CNTN6: variants seen among roughly 807,000 people sequenced by gnomAD.
CNTN6 encodes contactin 6.
A neutral mutation model predicts 122.8 loss-of-function variants in CNTN6; 137 were observed. The observed-to-expected ratio is 1.12, with a 90% confidence interval of 0.97 to 1.29. The LOEUF (loss-of-function observed/expected upper bound fraction) is 1.29. Ranked by LOEUF, CNTN6 falls within the 50% of genes most tolerant of loss-of-function variation. The pLI, the probability that CNTN6 is intolerant of heterozygous loss-of-function variation, is 0.00. For synonymous variants in CNTN6, 570 were observed against 426.0 expected (o/e 1.34, Z -4.16); for missense variants, 1,634 against 1,223.4 (o/e 1.34, Z -5.01).
chr3:1,262,968 C>T (rs192565562), intron 4 of CNTN6, among the ~76,000 whole-genome samples: 5 of 151,910 alleles, frequency 3.3e-5, no homozygotes, highest in East Asian at 1.9e-4. Context: ...ATCTACATAT[C>T]GTTTAAATCA....
At chr3:1,300,570 AAAGAAAGAAAG>A (rs1378170445) in intron 7 of CNTN6, among the ~76,000 whole-genome samples, 1,520 of 53,196 alleles carry the variant, frequency 0.029, 47 homozygotes, top group East Asian at 0.14. Flanking sequence ...AGAAAGAAAG[AAAGAAAGAAAG>A]AAAGAAAGAA....
chr3:1,095,465 C>G (rs1031896189), intron 1 of CNTN6, among the ~76,000 whole-genome samples: 5 of 152,010 alleles, frequency 3.3e-5, no homozygotes, highest in African/African-American at 1.2e-4. Context: ...AGTGAAACTC[C>G]ATCTCAAACA....
chr3:1,282,191 C>A (rs1184515239), intron 5 of CNTN6, among the ~76,000 whole-genome samples: 1 of 152,128 alleles, frequency 6.6e-6, no homozygotes, highest in East Asian at 1.9e-4. Context: ...TAAACAGGTA[C>A]TTTTATAGAG....
chr3:1,188,476 GA>G (rs957557845), intron 2 of CNTN6, among the ~76,000 whole-genome samples: 4 of 151,976 alleles, frequency 2.6e-5, no homozygotes, highest in African/African-American at 9.7e-5. Flanking sequence ...AATTGCTTTA[GA>G]AAAAAAATTA....
At chr3:1,192,173 T>C (rs963167439) in intron 2 of CNTN6, among the ~76,000 whole-genome samples, 2 of 152,148 alleles carry the variant, frequency 1.3e-5, no homozygotes, top group African/African-American at 2.4e-5. Flanking sequence ...TGGGATAATA[T>C]TCAAAATTCT....
chr3:1,368,777 A>T (rs1353867017), intron 12 of CNTN6, among the ~76,000 whole-genome samples: 2 of 152,226 alleles, frequency 1.3e-5, no homozygotes, highest in Non-Finnish European at 2.9e-5. Context: ...AGTGTATGTC[A>T]TCACTCATCT....
intron 4 of CNTN6, among the ~76,000 whole-genome samples, chr3:1,234,195 AC>A (rs1178003507): frequency 6.6e-6 from 1 of 152,154 alleles, no homozygotes; most frequent in Non-Finnish European, 1.5e-5. Context: ...TCTTGAAACA[AC>A]TTTTTAAATT....
chr3:1,222,190 T>C (rs1191119703), intron 3 of CNTN6, among the ~76,000 whole-genome samples: 1 of 152,180 alleles, frequency 6.6e-6, no homozygotes, highest in African/African-American at 2.4e-5. Context: ...AACTCATCTG[T>C]CAGGGGAAGA....
At chr3:1,244,962 A>T (rs2125628325) in intron 4 of CNTN6, among the ~76,000 whole-genome samples, 1 of 150,244 alleles carries the variant, frequency 6.7e-6, no homozygotes, top group East Asian at 2.0e-4. Flanking sequence ...AACAAATCAC[A>T]ATGGTGGAAT....
At chr3:1,260,845 C>T (rs1047698995) in intron 4 of CNTN6, among the ~76,000 whole-genome samples, 2 of 152,092 alleles carry the variant, frequency 1.3e-5, no homozygotes, top group African/African-American at 2.4e-5. Context: ...CTGTAAGTTT[C>T]CTGAGGCCTC....
At chr3:1,239,039 G>A (rs1420000705) in intron 4 of CNTN6, among the ~76,000 whole-genome samples, 4 of 152,232 alleles carry the variant, frequency 2.6e-5, no homozygotes, top group East Asian at 1.9e-4. Context: ...AGAAAACCTA[G>A]AGGAGATGGA....
At chr3:1,318,892 G>A (rs1194058847) in intron 7 of CNTN6, among the ~76,000 whole-genome samples, 1 of 151,708 alleles carries the variant, frequency 6.6e-6, no homozygotes, top group Non-Finnish European at 1.5e-5. Flanking sequence ...AGGGTACAAA[G>A]TACATAGGAA....
At position 1,377,348 on chromosome 3, in the gene CNTN6, G is replaced by A. The variant is rs1559965550; in HGVS notation, c.2166+273G>A. On this transcript the variant is annotated intron_variant, in intron 17 of 22. Coordinates refer to ENST00000446702, the MANE Select transcript of CNTN6 (RefSeq NM_001289080.2). ...GTGTGTCAGTAGCATTTTCGTTATC[G>A]CTTGATGAATTAGGCATTGTTTGAT... is the stretch of plus-strand genomic sequence containing the variant. Among the ~76,000 whole-genome samples, 5 of 151,998 alleles carry A rather than the reference G, an allele frequency of 3.3e-5. 1 individual carries two copies. In the South Asian group the frequency reaches 1.0e-3, roughly 31 times the overall value.
intron 2 of CNTN6, among the ~76,000 whole-genome samples, chr3:1,196,139 T>G (rs918842278): frequency 2.6e-5 from 4 of 152,210 alleles, no homozygotes; most frequent in African/African-American, 9.7e-5. Context: ...AGAAAGAATT[T>G]GTTTTGGAGA....
At chr3:1,241,559 G>A (rs2094485024) in intron 4 of CNTN6, among the ~76,000 whole-genome samples, 1 of 152,154 alleles carries the variant, frequency 6.6e-6, no homozygotes, top group South Asian at 2.1e-4. Context: ...GGAGAAAAAT[G>A]GGTATTAAAG....
chr3:1,256,180 A>G (rs2094754870), intron 4 of CNTN6, among the ~76,000 whole-genome samples: 1 of 152,060 alleles, frequency 6.6e-6, no homozygotes, highest in South Asian at 2.1e-4. Flanking sequence ...ATAGAATGTA[A>G]TTTTTAATTA....
chr3:1,402,824 A>T (rs1037350477), intron 22 of CNTN6: 1 of 212,162 alleles, frequency 4.7e-6, no homozygotes, highest in African/African-American at 2.3e-5. Context: ...AGGAATGGCA[A>T]ATATGAAGCA....
Position 1,245,254 on chromosome 3 carries a change from A to G in CNTN6, c.358+17261A>G, listed in dbSNP as rs1169134326. On this transcript the variant is annotated intron_variant, in intron 4 of 22. Coordinates refer to ENST00000446702, the MANE Select transcript of CNTN6 (RefSeq NM_001289080.2). ...TATATATACACACACACATATATAT[A>G]TAACATATATATATATATATACACA... is the stretch of plus-strand genomic sequence containing the variant. Among the ~76,000 whole-genome samples, 7 of 6,034 alleles carry G rather than the reference A, an allele frequency of 1.2e-3. No homozygotes were observed. The East Asian group carries it at 0.035, about 30-fold the overall frequency. The allele number at this position is 6,034 out of a possible 152,430, so 4.0% of individuals were successfully genotyped here.
At chr3:1,378,383 A>G (rs184368652) in intron 17 of CNTN6, among the ~76,000 whole-genome samples, 81 of 152,264 alleles carry the variant, frequency 5.3e-4, no homozygotes, top group Middle Eastern at 6.8e-3. Context: ...CTAGGCTATG[A>G]GAGATAACTG....
Sources: gnomAD v4.1 joint callset for allele counts (sites outside exome capture counted in the v4.1 genomes callset) on GRCh38, gnomAD v4.1.1 for gene constraint, MANE v1.5 for transcripts, NCBI Gene and HGNC (gene_info 2026-07-23, HGNC 2026-07-21) for gene names.